The following STX8 variants were observed in gnomAD, a reference collection of about 807,000 sequenced individuals.
STX8 encodes the protein syntaxin-8.
In STX8, 23 loss-of-function variants were observed where a neutral mutation model predicts 37.5. The observed-to-expected ratio is 0.61, with a 90% CI of 0.44 to 0.87. The LOEUF is 0.87. Ranked by LOEUF, STX8 falls within the 40% of genes least tolerant of loss-of-function variation. The pLI is 0.00. For missense variants in STX8, 313 were observed against 284.7 expected (o/e 1.10, Z -0.71); for synonymous variants, 115 against 99.1 (o/e 1.16, Z -0.95).
rs771544001 is a variant in STX8 at position 9,391,959 on chromosome 17, A to G, written c.542-13306T>C. Among the ~76,000 whole-genome samples the G allele has an allele frequency of 6.6e-4, 101 of 152,312 alleles. 1 individual carries two copies. Among genetic ancestry groups the G allele is most frequent in the Non-Finnish European group, 1.1e-3 (77 of 68,030 alleles). ...AGCTGACCCCAAATAGTATACGTAG[A>G]CATTGAGAGCTGAACTACAGGAGAG... On this transcript the variant is annotated intron_variant, in intron 6 of 7. Coordinates refer to ENST00000306357, the MANE Select transcript of STX8 (RefSeq NM_004853.3).
At chr17:9,295,464 A>C (rs1415199384) in intron 7 of STX8, among the ~76,000 whole-genome samples, 1 of 152,188 alleles carries the variant, frequency 6.6e-6, no homozygotes, top group African/African-American at 2.4e-5. Flanking sequence ...GTAGGCTGGG[A>C]CCAGGCACGG....
intron 4 of STX8, among the ~76,000 whole-genome samples, chr17:9,525,373 G>A (rs754354609): frequency 6.7e-6 from 1 of 150,074 alleles, no homozygotes; most frequent in Non-Finnish European, 1.5e-5. Context: ...TTGAGACGGA[G>A]TCTCACTCCG....
At chr17:9,468,828 C>G (rs1043095270) in intron 6 of STX8, among the ~76,000 whole-genome samples, 2 of 152,148 alleles carry the variant, frequency 1.3e-5, no homozygotes, top group African/African-American at 4.8e-5. Flanking sequence ...TTTCGGCACC[C>G]GGGCTTCCCA....
chr17:9,488,821 A>AGAGAGAGTGT (rs563653738), intron 6 of STX8, among the ~76,000 whole-genome samples: 4 of 144,014 alleles, frequency 2.8e-5, no homozygotes, highest in Middle Eastern at 3.6e-3. Flanking sequence ...AGAGAGAGAG[A>AGAGAGAGTGT]GTGTGTGTGT....
intron 7 of STX8, among the ~76,000 whole-genome samples, chr17:9,332,987 A>G (rs985323025): frequency 1.3e-5 from 2 of 152,226 alleles, no homozygotes; most frequent in African/African-American, 4.8e-5. Flanking sequence ...GAGACACAAT[A>G]CTTCTTAAAG....
chr17:9,473,425 C>T (rs1053950741), intron 6 of STX8, among the ~76,000 whole-genome samples: 27 of 152,066 alleles, frequency 1.8e-4, no homozygotes, highest in Non-Finnish European at 3.1e-4. Flanking sequence ...GGGATTGGTT[C>T]CAGGACCACC....
chr17:9,566,653 G>A (rs1021323698), intron 2 of STX8, among the ~76,000 whole-genome samples: 1 of 152,134 alleles, frequency 6.6e-6, no homozygotes, highest in African/African-American at 2.4e-5. Context: ...CAGGCATGGT[G>A]GCAGGCACTT....
At chr17:9,493,473 C>G (rs547886534) in intron 5 of STX8, among the ~76,000 whole-genome samples, 8 of 152,274 alleles carry the variant, frequency 5.3e-5, no homozygotes, top group Non-Finnish European at 1.0e-4. Context: ...CAGCACACCC[C>G]CTCCTCGGGC....
At chr17:9,488,318 C>T (rs2142469480) in intron 6 of STX8, among the ~76,000 whole-genome samples, 1 of 118,768 alleles carries the variant, frequency 8.4e-6, no homozygotes, top group Middle Eastern at 4.2e-3. Flanking sequence ...AAGGGCGAAA[C>T]TCTGTCTTAA....
chr17:9,388,529 C>T (rs185979418), intron 6 of STX8, among the ~76,000 whole-genome samples: 290 of 151,350 alleles, frequency 1.9e-3, no homozygotes, highest in Non-Finnish European at 3.2e-3. Context: ...TTTTTTCGGG[C>T]GTGGTGGCTC....
chr17:9,345,888 G>A (rs1910517346), intron 7 of STX8, among the ~76,000 whole-genome samples: 1 of 85,732 alleles, frequency 1.2e-5, no homozygotes, highest in African/African-American at 4.7e-5. Flanking sequence ...TTTCACTCTT[G>A]TTGCCCAGAC....
At chr17:9,501,848 A>G (rs574774115) in intron 5 of STX8, among the ~76,000 whole-genome samples, 1 of 152,134 alleles carries the variant, frequency 6.6e-6, no homozygotes, top group Non-Finnish European at 1.5e-5. Flanking sequence ...GGGTGCTTGT[A>G]GTCCCAGCTA....
intron 7 of STX8, among the ~76,000 whole-genome samples, chr17:9,271,748 C>CAAAAAA (rs71135959): frequency 6.3e-5 from 4 of 63,470 alleles, no homozygotes; most frequent in African/African-American, 1.6e-4. Context: ...GACTCCATCT[C>CAAAAAA]AAAAAAAAAA....
chr17:9,417,364 T>C (rs567425888), intron 6 of STX8, among the ~76,000 whole-genome samples: 2 of 152,268 alleles, frequency 1.3e-5, no homozygotes, highest in African/African-American at 4.8e-5. Context: ...TTCTCAAAGT[T>C]AGATGCACCC....
At chr17:9,533,321 AGCTGGGCAGG>A (rs569247068) in intron 4 of STX8, among the ~76,000 whole-genome samples, 1 of 152,202 alleles carries the variant, frequency 6.6e-6, no homozygotes, top group East Asian at 1.9e-4. Flanking sequence ...TACAAAAATG[AGCTGGGCAGG>A]GTGATATGTG....
At chr17:9,413,623 C>T (rs753405846) in intron 6 of STX8, among the ~76,000 whole-genome samples, 3 of 152,170 alleles carry the variant, frequency 2.0e-5, no homozygotes, top group Non-Finnish European at 2.9e-5. Context: ...AAGAAACAAG[C>T]TTCAATCCTT....
At chr17:9,467,820 G>A (rs1217440710) in intron 6 of STX8, among the ~76,000 whole-genome samples, 1 of 152,102 alleles carries the variant, frequency 6.6e-6, no homozygotes, top group African/African-American at 2.4e-5. Flanking sequence ...GCACGTCCAG[G>A]GCCTTTTATC....
chr17:9,498,057 C>A (rs1904470812), intron 5 of STX8, among the ~76,000 whole-genome samples: 1 of 152,062 alleles, frequency 6.6e-6, no homozygotes, highest in South Asian at 2.1e-4. Flanking sequence ...ACAGAAGGAG[C>A]TCTCCCTCAA....
At chr17:9,273,414 T>A (rs1446992930) in intron 7 of STX8, 1 of 152,222 alleles carries the variant, frequency 6.6e-6, no homozygotes, top group Non-Finnish European at 1.5e-5. Flanking sequence ...CAGGTTTAAC[T>A]AAGATGGGGG....
Sources: allele counts gnomAD v4.1 joint callset (sites outside exome capture counted in the v4.1 genomes callset), GRCh38; gene constraint gnomAD v4.1.1; transcripts MANE v1.5; gene names NCBI Gene and HGNC (gene_info 2026-07-23, HGNC 2026-07-21).